Variants in MIS18A observed in about 807,000 individuals in gnomAD.
The protein encoded by MIS18A is protein Mis18-alpha.
MIS18A carries 14 observed loss-of-function variants against 25.0 expected under a neutral mutation model. The observed-to-expected ratio is 0.56, with a 90% CI of 0.37 to 0.88. MIS18A has a LOEUF of 0.88. Ranked by LOEUF, MIS18A falls within the 40% of genes least tolerant of loss-of-function variation. MIS18A has a pLI of 0.00. For synonymous variants in MIS18A, 134 were observed against 118.6 expected, an observed-to-expected ratio of 1.13 and a Z score of -0.84; for missense variants, 292 against 290.8, an observed-to-expected ratio of 1.00 and a Z score of -0.03.
At chr21:32,193,164 G>C in the MIS18A span, among the ~76,000 whole-genome samples, 3 of 152,138 alleles carry the variant, frequency 2.0e-5, no homozygotes, top group African/African-American at 7.2e-5. Context: ...CACTACCAGG[G>C]ACAGGCAGCG....
the MIS18A span, among the ~76,000 whole-genome samples, chr21:32,209,022 C>T: frequency 3.3e-5 from 5 of 152,294 alleles, no homozygotes; most frequent in Admixed American, 6.5e-5. Flanking sequence ...GCAAAGTTCT[C>T]GCAGTAGCTC....
chr21:32,194,879 G>A, the MIS18A span, among the ~76,000 whole-genome samples: 3 of 151,544 alleles, frequency 2.0e-5, no homozygotes, highest in African/African-American at 7.3e-5. Flanking sequence ...AACACACATT[G>A]CAAATTCCAA....
At chr21:32,186,388 G>A in the MIS18A span, among the ~76,000 whole-genome samples, 2 of 152,328 alleles carry the variant, frequency 1.3e-5, no homozygotes, top group African/African-American at 2.4e-5. Context: ...TTAAGGCTAG[G>A]CCTTATGTTC....
chr21:32,251,279 A>G, the MIS18A span, among the ~76,000 whole-genome samples: 1 of 152,200 alleles, frequency 6.6e-6, no homozygotes, highest in Admixed American at 6.5e-5. Flanking sequence ...CAGCCTTGAG[A>G]AAACAGTATT....
chr21:32,221,164 G>A, the MIS18A span, among the ~76,000 whole-genome samples: 5 of 152,082 alleles, frequency 3.3e-5, no homozygotes, highest in Admixed American at 1.3e-4. Context: ...AGAGCAACCC[G>A]AAGACACATA....
chr21:32,193,703 A>G, the MIS18A span, among the ~76,000 whole-genome samples: 1 of 152,194 alleles, frequency 6.6e-6, no homozygotes, highest in Admixed American at 6.5e-5. Flanking sequence ...TGTCAACTAT[A>G]ATCTGTTAAA....
the MIS18A span, chr21:32,260,408 A>T: frequency 2.0e-5 from 3 of 152,264 alleles, no homozygotes; most frequent in Admixed American, 2.0e-4. Context: ...TGAGACAGAG[A>T]GTACACAGGG....
the MIS18A span, among the ~76,000 whole-genome samples, chr21:32,207,708 C>A: frequency 6.6e-6 from 1 of 151,782 alleles, no homozygotes; most frequent in East Asian, 1.9e-4. Context: ...GGGTTATCCA[C>A]CATAAATATA....
the MIS18A span, among the ~76,000 whole-genome samples, chr21:32,170,264 T>A: frequency 6.6e-6 from 1 of 152,108 alleles, no homozygotes; most frequent in Non-Finnish European, 1.5e-5. Context: ...TCAACCTAGG[T>A]GCTCATCACT....
the MIS18A span, among the ~76,000 whole-genome samples, chr21:32,184,261 G>A: frequency 6.6e-6 from 1 of 152,208 alleles, no homozygotes; most frequent in Non-Finnish European, 1.5e-5. Flanking sequence ...CACAGGGTGA[G>A]GCTGCACAGC....
At chr21:32,269,243 T>C in intron 4 of MIS18A, 126 bp from the exon 5 acceptor site, 1 of 690,854 alleles carries the variant, frequency 1.4e-6, no homozygotes. Context: ...AAGGTAGATA[T>C]TCAGTGTTTA....
chr21:32,180,883 T>G, the MIS18A span, among the ~76,000 whole-genome samples: 6 of 152,162 alleles, frequency 3.9e-5, no homozygotes, highest in Non-Finnish European at 5.9e-5. Context: ...CTATAACACT[T>G]TCTGAAGAGT....
chr21:32,189,034 C>A, the MIS18A span, among the ~76,000 whole-genome samples: 2 of 152,166 alleles, frequency 1.3e-5, no homozygotes, highest in African/African-American at 2.4e-5. Context: ...GTCTATAGGA[C>A]CCCCTTAAAA....
the MIS18A span, among the ~76,000 whole-genome samples, chr21:32,184,709 C>T: frequency 2.0e-5 from 3 of 152,232 alleles, no homozygotes; most frequent in South Asian, 2.1e-4. Flanking sequence ...TGCACAAATG[C>T]GCGCTCATCC....
the MIS18A span, among the ~76,000 whole-genome samples, chr21:32,226,294 A>G: frequency 2.0e-5 from 3 of 151,762 alleles, no homozygotes; most frequent in African/African-American, 4.9e-5. Flanking sequence ...AAAAAAAGAA[A>G]AAAAAAAGTT....
At chr21:32,249,317 C>G in the MIS18A span, among the ~76,000 whole-genome samples, 1 of 152,172 alleles carries the variant, frequency 6.6e-6, no homozygotes, top group African/African-American at 2.4e-5. Flanking sequence ...GGCCCTCAGT[C>G]GAGACATGCA....
At chr21:32,206,854 C>T in the MIS18A span, among the ~76,000 whole-genome samples, 12 of 152,300 alleles carry the variant, frequency 7.9e-5, no homozygotes, top group African/African-American at 2.9e-4. Context: ...GCCCCGCTGT[C>T]TCTAGTGCCC....
chr21:32,264,815 C>T (rs1248927479), downstream of MIS18A, among the ~76,000 whole-genome samples: 2 of 152,156 alleles, frequency 1.3e-5, no homozygotes, highest in African/African-American at 2.4e-5. Context: ...TAGAATCATC[C>T]GGGTAGGACA....
At chr21:32,239,465 T>A in the MIS18A span, among the ~76,000 whole-genome samples, 160 of 152,302 alleles carry the variant, frequency 1.1e-3, no homozygotes, top group African/African-American at 3.7e-3. Context: ...AAAATCCCAA[T>A]CATTTTCACC....
Sources: allele counts gnomAD v4.1 joint callset (sites outside exome capture counted in the v4.1 genomes callset), GRCh38; gene constraint gnomAD v4.1.1; transcripts MANE v1.5; gene names NCBI Gene and HGNC (gene_info 2026-07-23, HGNC 2026-07-21).